CTNND2: variants seen among roughly 807,000 people sequenced by gnomAD.
CTNND2 encodes the protein catenin delta 2, also known as catenin delta-2.
A neutral mutation model predicts 144.4 loss-of-function variants in CTNND2; 22 were observed. The observed-to-expected ratio is 0.15, with a 90% confidence interval of 0.11 to 0.22. The LOEUF (loss-of-function observed/expected upper bound fraction) is 0.22. Among genes scored for constraint, CTNND2 ranks in the 10% least tolerant of loss-of-function variants. CTNND2 has a pLI of 1.00. For synonymous variants in CTNND2, 751 were observed against 695.6 expected (o/e 1.08, Z -1.25); for missense variants, 1,353 against 1,618.8 (o/e 0.84, Z 2.82).
intron 2 of CTNND2, among the ~76,000 whole-genome samples, chr5:11,644,336 A>T (rs1234485237): frequency 6.6e-6 from 1 of 152,192 alleles, no homozygotes; most frequent in African/African-American, 2.4e-5. Context: ...TTACAACAGT[A>T]ATTGTTATGT....
At chr5:11,552,368 A>G (rs1332476537) in intron 3 of CTNND2, among the ~76,000 whole-genome samples, 1 of 152,210 alleles carries the variant, frequency 6.6e-6, no homozygotes, top group Non-Finnish European at 1.5e-5. Flanking sequence ...TCTCCCTCAT[A>G]TAAAGTTCAT....
intron 2 of CTNND2, among the ~76,000 whole-genome samples, chr5:11,729,647 G>A (rs34971015): frequency 0.17 from 25,082 of 151,890 alleles, 2,252 homozygotes; most frequent in East Asian, 0.29. Context: ...AATAAATTTC[G>A]ACACACATAA....
At chr5:11,471,518 C>A (rs1027737401) in intron 3 of CTNND2, among the ~76,000 whole-genome samples, 4 of 152,134 alleles carry the variant, frequency 2.6e-5, no homozygotes, top group Non-Finnish European at 4.4e-5. Flanking sequence ...TTCTAAATAA[C>A]AAATTCTAGT....
At chr5:11,635,455 G>A (rs1781635300) in intron 2 of CTNND2, among the ~76,000 whole-genome samples, 1 of 152,132 alleles carries the variant, frequency 6.6e-6, no homozygotes, top group Non-Finnish European at 1.5e-5. Flanking sequence ...AGTTTTAAGA[G>A]CAGATAAGAC....
chr5:11,634,282 C>T (rs547375321), intron 2 of CTNND2, among the ~76,000 whole-genome samples: 1 of 152,310 alleles, frequency 6.6e-6, no homozygotes, highest in East Asian at 1.9e-4. Context: ...TAGGCACACA[C>T]ACAGCCATGG....
chr5:11,246,940 G>T (rs1356949136), intron 9 of CTNND2, among the ~76,000 whole-genome samples: 5 of 152,120 alleles, frequency 3.3e-5, no homozygotes, highest in Admixed American at 2.0e-4. Flanking sequence ...CCAACAGGGG[G>T]CCCTGATGTG....
At chr5:11,293,675 C>A (rs1422040600) in intron 9 of CTNND2, among the ~76,000 whole-genome samples, 1 of 150,934 alleles carries the variant, frequency 6.6e-6, no homozygotes, top group Non-Finnish European at 1.5e-5. Context: ...AAGCATTCAA[C>A]AGCCCCGACA....
Position 11,559,851 on chromosome 5 carries a change from G to A in CTNND2, c.287+5093C>T, listed in dbSNP as rs1232627363. On this transcript the variant is annotated intron_variant, in intron 3 of 21. Transcript: ENST00000304623. ...TCCCTCTACGGCCTTCTGACGCCCA[G>A]TGCCAGCTCTGCTAGAGAAGTTACC... Among the ~76,000 whole-genome samples, 6 of 152,178 alleles carry A rather than the reference G, an allele frequency of 3.9e-5. No homozygotes were observed. The South Asian group carries it at 1.0e-3, about 26-fold the overall frequency.
rs144374635 is a variant in CTNND2, at chr5:11,355,149, T to C, written c.1373-8522A>G. 4.7e-4 allele frequency among the ~76,000 whole-genome samples: 71 copies of C among 152,080 alleles called. No individual in the cohort carries two copies. In the East Asian group the frequency reaches 0.011, roughly 24 times the overall value. Reference sequence around the variant, plus strand: ...CACCTATATCCAAAAAGAAGAAAGATTTCTAATAAACAACCTAAAGGTGTA... The same window carrying C: ...CACCTATATCCAAAAAGAAGAAAGACTTCTAATAAACAACCTAAAGGTGTA... On this transcript the variant is annotated intron_variant, in intron 8 of 21. Coordinates refer to ENST00000304623, the MANE Select transcript of CTNND2 (RefSeq NM_001332.4).
chr5:11,253,803 G>T (rs952132395), intron 9 of CTNND2, among the ~76,000 whole-genome samples: 3 of 152,170 alleles, frequency 2.0e-5, no homozygotes, highest in Non-Finnish European at 4.4e-5. Flanking sequence ...GCTCACCTTA[G>T]TGTTCTCCTG....
intron 8 of CTNND2, among the ~76,000 whole-genome samples, chr5:11,362,324 A>G (rs979727701): frequency 7.2e-5 from 11 of 152,224 alleles, no homozygotes; most frequent in Admixed American, 5.9e-4. Flanking sequence ...TGTCTTTAAT[A>G]TCTAAATAAA....
chr5:11,649,146 T>A (rs1350622484), intron 2 of CTNND2, among the ~76,000 whole-genome samples: 1 of 152,214 alleles, frequency 6.6e-6, no homozygotes, highest in Non-Finnish European at 1.5e-5. Flanking sequence ...TTTATTTACA[T>A]AGGTAATCAA....
intron 10 of CTNND2, among the ~76,000 whole-genome samples, chr5:11,209,414 G>A (rs968020179): frequency 2.0e-5 from 3 of 152,130 alleles, no homozygotes; most frequent in Admixed American, 6.5e-5. Flanking sequence ...AGGAGCTAAC[G>A]TGTGATAAAA....
intron 2 of CTNND2, among the ~76,000 whole-genome samples, chr5:11,698,939 T>G (rs1014828680): frequency 6.6e-6 from 1 of 150,598 alleles, no homozygotes; most frequent in Non-Finnish European, 1.5e-5. Context: ...AATAAGCATA[T>G]TTTCTTTTCT....
At chr5:11,038,296 C>G (rs894207791) in intron 16 of CTNND2, among the ~76,000 whole-genome samples, 2 of 152,128 alleles carry the variant, frequency 1.3e-5, no homozygotes, top group African/African-American at 2.4e-5. Flanking sequence ...GAATTACAGC[C>G]TGAGCTTCGC....
intron 2 of CTNND2, among the ~76,000 whole-genome samples, chr5:11,657,496 ATTC>A (rs2126556518): frequency 6.6e-6 from 1 of 150,654 alleles, no homozygotes; most frequent in African/African-American, 2.4e-5. Context: ...TCCTCCCTTC[ATTC>A]TTTTCTTCCT....
chr5:11,397,071 C>T lies in CTNND2; in HGVS notation c.572G>A (p.Arg191Gln), dbSNP rs911357697. The T allele has an allele frequency of 7.4e-6, 12 of 1,613,798 alleles. No individual in the cohort carries two copies. The highest frequency in any genetic ancestry group is 7.6e-6 in the Non-Finnish European group (9 of 1,180,028). The change falls in exon 6 of 22, where the codon CGA becomes CAA. Residue 191 changes from arginine (R) to glutamine (Q), a missense_variant. Physicochemically the swap from Arg to Gln is conservative, Grantham distance 43. Transcript: ENST00000304623. Reference sequence around the variant, plus strand: ...GCCCGTAGCTCGGGCTTGTGTGCCTCGGGCCGGGAGCTGTGAAGGGGTGGT... The same window carrying T: ...GCCCGTAGCTCGGGCTTGTGTGCCTTGGGCCGGGAGCTGTGAAGGGGTGGT... ...GETTPSQLPARGTQARATGQS... is the reference protein window; with the variant it reads ...GETTPSQLPAQGTQARATGQS...
chr5:11,417,814 A>C (rs571089671), intron 3 of CTNND2, among the ~76,000 whole-genome samples: 6 of 152,250 alleles, frequency 3.9e-5, no homozygotes, highest in African/African-American at 1.2e-4. Flanking sequence ...CCAGGAAAAC[A>C]TTTGCACCTT....
At chr5:11,087,706 G>C (rs79118119) in intron 15 of CTNND2, among the ~76,000 whole-genome samples, 3 of 82,200 alleles carry the variant, frequency 3.6e-5, no homozygotes, top group Non-Finnish European at 8.3e-5. Context: ...AATTTAATAA[G>C]CACAAATTTT....
Sources: allele counts gnomAD v4.1 joint callset (sites outside exome capture counted in the v4.1 genomes callset), GRCh38; gene constraint gnomAD v4.1.1; transcripts MANE v1.5; gene names NCBI Gene and HGNC (gene_info 2026-07-23, HGNC 2026-07-21).